PRKCB: variants seen among roughly 807,000 people sequenced by gnomAD.
PRKCB encodes the protein protein kinase C beta, also known as protein kinase C beta type.
A neutral mutation model predicts 81.5 loss-of-function variants in PRKCB; 13 were observed. That is an observed-to-expected ratio of 0.16 (90% CI 0.10 to 0.25). The LOEUF (loss-of-function observed/expected upper bound fraction) is 0.25, where lower values mean the gene tolerates loss of function less well. Ranked by LOEUF, PRKCB falls within the 10% of genes least tolerant of loss-of-function variation. PRKCB has a pLI of 1.00. For missense variants in PRKCB, 509 were observed against 875.7 expected, an observed-to-expected ratio of 0.58 and a Z score of 5.29; for synonymous variants, 335 against 321.4, an observed-to-expected ratio of 1.04 and a Z score of -0.45.
chr16:23,841,475 CCTT>C (rs1199871274), intron 2 of PRKCB, among the ~76,000 whole-genome samples: 4 of 151,496 alleles, frequency 2.6e-5, no homozygotes, highest in African/African-American at 7.3e-5. Flanking sequence ...GAGAGAAAAA[CCTT>C]CTTCTTTTAT....
intron 12 of PRKCB, among the ~76,000 whole-genome samples, chr16:24,176,668 G>A (rs367580640): frequency 3.3e-5 from 5 of 152,154 alleles, no homozygotes; most frequent in Admixed American, 1.3e-4. Context: ...CGAGGCAGGC[G>A]GATTGCCTGA....
At chr16:23,894,630 C>T (rs1280713377) in intron 2 of PRKCB, among the ~76,000 whole-genome samples, 3 of 152,106 alleles carry the variant, frequency 2.0e-5, no homozygotes, top group African/African-American at 4.8e-5. Context: ...CATGTAGAAC[C>T]GAAGAACCAC....
chr16:23,919,560 C>G (rs1287160330), intron 2 of PRKCB, among the ~76,000 whole-genome samples: 1 of 152,068 alleles, frequency 6.6e-6, no homozygotes, highest in Admixed American at 6.5e-5. Context: ...TTGCAGATGC[C>G]AGAAAGTAGG....
chr16:24,131,000 CCA>C (rs1966852670), intron 9 of PRKCB, among the ~76,000 whole-genome samples: 1 of 152,194 alleles, frequency 6.6e-6, no homozygotes, highest in African/African-American at 2.4e-5. Flanking sequence ...GTATCACACT[CCA>C]CACACAAAAA....
At chr16:23,875,522 C>T (rs927173583) in intron 2 of PRKCB, among the ~76,000 whole-genome samples, 1 of 100,980 alleles carries the variant, frequency 9.9e-6, no homozygotes, top group African/African-American at 3.1e-5. Context: ...ATATCACACA[C>T]ATATGTGTAT....
chr16:24,002,315 G>C (rs977754491), intron 3 of PRKCB, among the ~76,000 whole-genome samples: 2 of 124,774 alleles, frequency 1.6e-5, no homozygotes, highest in African/African-American at 5.7e-5. Context: ...GTGTGTGTAT[G>C]TGTGTGTGCG....
At chr16:23,857,416 C>G (rs549521909) in intron 2 of PRKCB, among the ~76,000 whole-genome samples, 5 of 152,278 alleles carry the variant, frequency 3.3e-5, no homozygotes, top group African/African-American at 9.6e-5. Context: ...GATGTGGGAA[C>G]AGTATGCCAG....
chr16:23,889,854 A>G (rs1963264963), intron 2 of PRKCB, among the ~76,000 whole-genome samples: 1 of 152,156 alleles, frequency 6.6e-6, no homozygotes, highest in Non-Finnish European at 1.5e-5. Flanking sequence ...TCTATCATCT[A>G]TCTATTTACA....
intron 7 of PRKCB, among the ~76,000 whole-genome samples, chr16:24,110,868 C>A (rs1376153300): frequency 6.6e-6 from 1 of 151,982 alleles, no homozygotes; most frequent in Non-Finnish European, 1.5e-5. Flanking sequence ...CAATTATTTT[C>A]TATTTGTAAC....
intron 2 of PRKCB, among the ~76,000 whole-genome samples, chr16:23,980,677 C>A (rs1452017671): frequency 6.6e-6 from 1 of 152,024 alleles, no homozygotes; most frequent in East Asian, 1.9e-4. Context: ...GCAACTAGCG[C>A]TAGAATTTCT....
chr16:23,882,083 T>C (rs117917245), intron 2 of PRKCB, among the ~76,000 whole-genome samples: 43,524 of 96,968 alleles, frequency 0.45, 13,511 homozygotes, highest in East Asian at 0.62. Flanking sequence ...TCTTTCCTTT[T>C]TTTTTTTTTT....
intron 2 of PRKCB, among the ~76,000 whole-genome samples, chr16:23,885,602 TG>T (rs112207495): frequency 0.064 from 9,738 of 152,236 alleles, 1,015 homozygotes; most frequent in African/African-American, 0.22. Context: ...CCACTGTGCC[TG>T]GCCTATCCAC....
At chr16:23,909,749 C>T (rs2141731619) in intron 2 of PRKCB, among the ~76,000 whole-genome samples, 1 of 152,260 alleles carries the variant, frequency 6.6e-6, no homozygotes, top group Middle Eastern at 3.4e-3. Flanking sequence ...ATATTGACCT[C>T]TAGTTCCTTC....
chr16:24,136,490 G>A (rs1400720077), intron 9 of PRKCB, among the ~76,000 whole-genome samples: 2 of 152,104 alleles, frequency 1.3e-5, no homozygotes, highest in African/African-American at 4.8e-5. Context: ...CATCTGGGGG[G>A]TTGTAGGGGG....
chr16:24,179,730 C>G (rs914311432), intron 12 of PRKCB, among the ~76,000 whole-genome samples: 1 of 152,190 alleles, frequency 6.6e-6, no homozygotes, highest in African/African-American at 2.4e-5. Flanking sequence ...TGACTGACAC[C>G]CTGCTTAAAG....
At chr16:23,867,523 A>G (rs1446589953) in intron 2 of PRKCB, among the ~76,000 whole-genome samples, 2 of 152,078 alleles carry the variant, frequency 1.3e-5, no homozygotes, top group Non-Finnish European at 2.9e-5. Flanking sequence ...TTATAATTTC[A>G]TATTGATTTG....
chr16:24,160,304 G>A (rs1452520393), intron 10 of PRKCB, among the ~76,000 whole-genome samples: 1 of 151,574 alleles, frequency 6.6e-6, no homozygotes, highest in Non-Finnish European at 1.5e-5. Context: ...AATTTAGGGA[G>A]CACTGCATAT....
At position 24,215,845 on chromosome 16, in the gene PRKCB, G is replaced by T; in HGVS notation, c.*1029G>T. On this transcript the variant is annotated 3_prime_UTR_variant, in exon 17 of 17. Coordinates refer to ENST00000643927, the MANE Select transcript of PRKCB (RefSeq NM_002738.7). ...ACTGGCTTCAGAAAGCTAATTAAGT[G>T]CTCTGAAAAAGACACCGTTTCTTGA... is the stretch of plus-strand genomic sequence containing the variant. 7 of 985,514 alleles carry T rather than the reference G, an allele frequency of 7.1e-6. No homozygotes were observed. Among genetic ancestry groups the T allele is most frequent in the Non-Finnish European group, 7.2e-6 (6 of 829,896 alleles). The allele number at this position is 985,514 out of a possible 1,614,324, so 61.0% of individuals were successfully genotyped here. A position where few individuals can be genotyped will look rare whatever the true frequency, so the allele number is the denominator to read the frequency against.
intron 2 of PRKCB, among the ~76,000 whole-genome samples, chr16:23,958,284 G>A (rs910348623): frequency 3.3e-5 from 5 of 152,090 alleles, no homozygotes; most frequent in Admixed American, 1.3e-4. Flanking sequence ...GAGCCACTGC[G>A]CCTGGCCTAT....
Sources: gnomAD v4.1 joint callset for allele counts (sites outside exome capture counted in the v4.1 genomes callset) on GRCh38, gnomAD v4.1.1 for gene constraint, MANE v1.5 for transcripts, NCBI Gene and HGNC (gene_info 2026-07-23, HGNC 2026-07-21) for gene names.